EPM2A: variants seen among roughly 807,000 people sequenced by gnomAD.
The protein encoded by EPM2A is EPM2A glucan phosphatase, laforin.
A neutral mutation model predicts 26.5 loss-of-function variants in EPM2A; 21 were observed. That is an observed-to-expected ratio of 0.79 (90% CI 0.56 to 1.14). EPM2A has a LOEUF of 1.14. Ranked by LOEUF, EPM2A falls within the 50% of genes most tolerant of loss-of-function variation. The pLI, the probability that EPM2A is intolerant of heterozygous loss-of-function variation, is 0.00. For missense variants in EPM2A, 458 were observed against 440.8 expected (o/e 1.04, Z -0.35); for synonymous variants, 217 against 177.6 (o/e 1.22, Z -1.76).
intron 1 of EPM2A, among the ~76,000 whole-genome samples, chr6:145,697,549 A>G (rs897370031): frequency 2.0e-5 from 3 of 152,140 alleles, no homozygotes; most frequent in African/African-American, 4.8e-5. Flanking sequence ...GCCTGGGAGC[A>G]CTATGGGAGA....
At chr6:145,655,462 A>G (rs1244189176) in intron 2 of EPM2A, among the ~76,000 whole-genome samples, 1 of 152,218 alleles carries the variant, frequency 6.6e-6, no homozygotes, top group Non-Finnish European at 1.5e-5. Flanking sequence ...TAAATAAGAT[A>G]TAATTCTTAA....
chr6:145,533,261 C>T (rs964457270), intron 2 of EPM2A, among the ~76,000 whole-genome samples: 2 of 151,940 alleles, frequency 1.3e-5, no homozygotes, highest in Admixed American at 1.3e-4. Flanking sequence ...TGTTCATTTC[C>T]TTCCTCTCCT....
At chr6:145,458,400 C>T (rs1308469187) in intron 4 of EPM2A, among the ~76,000 whole-genome samples, 1 of 152,204 alleles carries the variant, frequency 6.6e-6, no homozygotes, top group Non-Finnish European at 1.5e-5. Context: ...TCCCCAGGGG[C>T]TCACAGGCAG....
At position 145,728,308 on chromosome 6, in the gene EPM2A, G is replaced by A. The variant is rs1776312891; in HGVS notation, c.301+6890C>T. Among the ~76,000 whole-genome samples the A allele has an allele frequency of 2.6e-5, 4 of 152,212 alleles. No homozygotes were observed. The South Asian group carries it at 8.3e-4, about 32-fold the overall frequency. On this transcript the variant is annotated intron_variant, in intron 1 of 3. Transcript: ENST00000367519. Reference sequence around the variant, plus strand: ...TGGGTGTTGGGCAGAGGTTGGGACAGTTTGGAGGACTCAGAGGAAGCAGGA... The same window carrying A: ...TGGGTGTTGGGCAGAGGTTGGGACAATTTGGAGGACTCAGAGGAAGCAGGA...
intron 1 of EPM2A, among the ~76,000 whole-genome samples, chr6:145,687,643 T>C (rs1267226228): frequency 6.6e-6 from 1 of 152,202 alleles, no homozygotes; most frequent in Non-Finnish European, 1.5e-5. Context: ...ATGTGATTCA[T>C]TTGTTCTTTT....
rs375277645 is a variant in EPM2A, at chr6:145,419,560, C to A, written c.556-35463G>T. Reference sequence around the variant, plus strand: ...TGTATTGGTTAGAAATCGTGAGACTCCTCATATTTTTATTCTCTAGCACAA... The same window carrying A: ...TGTATTGGTTAGAAATCGTGAGACTACTCATATTTTTATTCTCTAGCACAA... On this transcript the variant is annotated intron_variant, in intron 4 of 4. Coordinates refer to the EPM2A transcript ENST00000638717. Among the ~76,000 whole-genome samples the A allele has an allele frequency of 2.6e-5, 4 of 152,090 alleles. No homozygotes were observed. In the East Asian group the frequency reaches 7.7e-4, roughly 29 times the overall value.
chr6:145,429,425 T>C (rs1398248523), intron 4 of EPM2A, among the ~76,000 whole-genome samples: 2 of 152,154 alleles, frequency 1.3e-5, no homozygotes, highest in East Asian at 1.9e-4. Flanking sequence ...CTGGTGTATA[T>C]AGCAGGTGAT....
intron 2 of EPM2A, among the ~76,000 whole-genome samples, chr6:145,516,124 T>G (rs1363937745): frequency 2.6e-5 from 4 of 152,148 alleles, no homozygotes; most frequent in African/African-American, 7.2e-5. Context: ...GCTACAATAA[T>G]TATTGCCACC....
intron 1 of EPM2A, among the ~76,000 whole-genome samples, chr6:145,729,221 A>T (rs1776361263): frequency 6.6e-6 from 1 of 152,224 alleles, no homozygotes; most frequent in South Asian, 2.1e-4. Context: ...GGCAGTGCAC[A>T]GGGGAAATGT....
Position 145,627,473 on chromosome 6 carries a change from T to G in EPM2A, c.939A>C (p.Ala313=). Residue 313 remains alanine, a synonymous_variant, in exon 4 of 4, where the codon GCA becomes GCC. Transcript: ENST00000367519. ...VYIDEEALAR[A]QEDFFQKFGK... is the part of the protein sequence containing the mutation. The stretch of plus-strand genomic sequence containing the variant: ...CAAATTTCTGGAAAAAATCTTCTTG[T>G]GCCCGGGCCAAGGCCTCTTCGTCAA... 1 of 1,614,246 alleles carries G rather than the reference T, an allele frequency of 6.2e-7. No homozygotes were observed. Among genetic ancestry groups the G allele is most frequent in the South Asian group, 1.1e-5 (1 of 91,086 alleles).
At chr6:145,641,164 T>C (rs777770797) in intron 2 of EPM2A, 1 of 152,174 alleles carries the variant, frequency 6.6e-6, no homozygotes, top group Non-Finnish European at 1.5e-5. Flanking sequence ...TAAAGGCCTA[T>C]TATGTTGACT....
intron 2 of EPM2A, among the ~76,000 whole-genome samples, chr6:145,645,452 G>A (rs1430597563): frequency 1.3e-5 from 2 of 152,086 alleles, no homozygotes; most frequent in Non-Finnish European, 2.9e-5. Flanking sequence ...ACAGGCATGT[G>A]TCACAATGCC....
intron 2 of EPM2A, among the ~76,000 whole-genome samples, chr6:145,618,096 G>A (rs1005840261): frequency 6.6e-6 from 1 of 152,148 alleles, no homozygotes; most frequent in Non-Finnish European, 1.5e-5. Flanking sequence ...TATAGCTCAT[G>A]TTATAGTACA....
At chr6:145,685,071 A>G (rs761132033) in intron 2 of EPM2A, among the ~76,000 whole-genome samples, 1 of 152,228 alleles carries the variant, frequency 6.6e-6, no homozygotes, top group Non-Finnish European at 1.5e-5. Flanking sequence ...TGTATGGTAC[A>G]AACACTGTAA....
chr6:145,550,788 AT>A (rs1780644452), intron 2 of EPM2A, among the ~76,000 whole-genome samples: 1 of 152,054 alleles, frequency 6.6e-6, no homozygotes, highest in Admixed American at 6.6e-5. Context: ...TCTTAATAAC[AT>A]TTTTTATCTA....
intron 2 of EPM2A, among the ~76,000 whole-genome samples, chr6:145,531,223 G>T (rs1214280514): frequency 6.6e-6 from 1 of 152,170 alleles, no homozygotes; most frequent in Non-Finnish European, 1.5e-5. Flanking sequence ...TCCCTGCAGG[G>T]AAGGTAACCA....
chr6:145,406,015 A>C (rs773144514), intron 4 of EPM2A, among the ~76,000 whole-genome samples: 65 of 104,840 alleles, frequency 6.2e-4, no homozygotes, highest in Non-Finnish European at 1.1e-3. Flanking sequence ...CACACACACA[A>C]CAGACAGACA....
At chr6:145,622,011 T>C (rs1029088517), downstream of EPM2A, among the ~76,000 whole-genome samples, 1 of 152,216 alleles carries the variant, frequency 6.6e-6, no homozygotes, top group Non-Finnish European at 1.5e-5. Context: ...AAAAAAATCA[T>C]AGCTGAGACC....
intron 2 of EPM2A, among the ~76,000 whole-genome samples, chr6:145,563,216 G>A (rs1056933292): frequency 1.3e-5 from 2 of 151,552 alleles, no homozygotes; most frequent in African/African-American, 4.8e-5. Context: ...TGAATGTGCC[G>A]GTTTTCTTAT....
Sources: gnomAD v4.1 joint callset for allele counts (sites outside exome capture counted in the v4.1 genomes callset) on GRCh38, gnomAD v4.1.1 for gene constraint, MANE v1.5 for transcripts, NCBI Gene and HGNC (gene_info 2026-07-23, HGNC 2026-07-21) for gene names.